Variants in LEKR1 observed in about 807,000 individuals in gnomAD.
LEKR1 encodes protein LEKR1.
A neutral mutation model predicts 72.4 loss-of-function variants in LEKR1; 59 were observed. That is an observed-to-expected ratio of 0.82 (90% CI 0.66 to 1.01). The LOEUF (loss-of-function observed/expected upper bound fraction) is 1.01, where lower values mean the gene tolerates loss of function less well. Ranked by LOEUF, LEKR1 falls within the 50% of genes least tolerant of loss-of-function variation. The probability of loss-of-function intolerance (pLI) is 0.00; values close to 1 mark genes in which losing one functional copy is unlikely to be tolerated. For synonymous variants in LEKR1, 257 were observed against 263.2 expected, an observed-to-expected ratio of 0.98 and a Z score of 0.23; for missense variants, 728 against 759.2, an observed-to-expected ratio of 0.96 and a Z score of 0.48.
At chr3:156,880,716 A>G (rs1329401829) in intron 3 of LEKR1, among the ~76,000 whole-genome samples, 1 of 152,246 alleles carries the variant, frequency 6.6e-6, no homozygotes, top group Admixed American at 6.5e-5. Context: ...ATTTTAGACC[A>G]GTATCCTTGA....
intron 3 of LEKR1, among the ~76,000 whole-genome samples, chr3:156,858,770 A>C (rs1360428601): frequency 6.6e-6 from 1 of 151,816 alleles, no homozygotes; most frequent in Non-Finnish European, 1.5e-5. Flanking sequence ...ATTTATTTTC[A>C]GTCTCTTTTT....
chr3:157,008,601 G>A (rs1732647980), intron 9 of LEKR1, among the ~76,000 whole-genome samples: 1 of 152,094 alleles, frequency 6.6e-6, no homozygotes, highest in Non-Finnish European at 1.5e-5. Flanking sequence ...TGCGTTTTGT[G>A]GTTCTCAACA....
intron 6 of LEKR1, chr3:156,977,680 G>A (rs755488408): frequency 2.7e-4 from 68 of 248,156 alleles, no homozygotes; most frequent in Non-Finnish European, 2.3e-4. Context: ...ACATGGGATG[G>A]ATGCATATGG....
intron 3 of LEKR1, among the ~76,000 whole-genome samples, chr3:156,870,227 T>A (rs1717770679): frequency 6.6e-6 from 1 of 152,060 alleles, no homozygotes. Context: ...TTTTTTTCTA[T>A]CTCTGTGAAA....
At chr3:156,999,405 T>C (rs939578584) in intron 9 of LEKR1, among the ~76,000 whole-genome samples, 5 of 152,122 alleles carry the variant, frequency 3.3e-5, no homozygotes, top group African/African-American at 1.2e-4. Context: ...TCTCCTCCCC[T>C]CCCTTTTTCT....
At chr3:156,974,866 T>A (rs1729552695) in intron 6 of LEKR1, among the ~76,000 whole-genome samples, 1 of 152,026 alleles carries the variant, frequency 6.6e-6, no homozygotes, top group Non-Finnish European at 1.5e-5. Context: ...ACACTTCCAT[T>A]TTTACTCCTC....
At chr3:156,891,693 G>A (rs1290064840) in intron 3 of LEKR1, among the ~76,000 whole-genome samples, 2 of 152,106 alleles carry the variant, frequency 1.3e-5, no homozygotes, top group Non-Finnish European at 2.9e-5. Context: ...GGCTAGGACA[G>A]GTGTTGAGGA....
intron 3 of LEKR1, among the ~76,000 whole-genome samples, chr3:156,859,863 C>T (rs62275170): frequency 0.032 from 4,843 of 152,266 alleles, 116 homozygotes; most frequent in Non-Finnish European, 0.047. Flanking sequence ...GCCAAGAATA[C>T]TTTCTGTCAT....
At chr3:157,034,882 A>G (rs1312789813) in intron 12 of LEKR1, among the ~76,000 whole-genome samples, 2 of 151,950 alleles carry the variant, frequency 1.3e-5, no homozygotes, top group African/African-American at 4.8e-5. Flanking sequence ...GCGCAATCTC[A>G]GCTCACTGCA....
At chr3:156,963,422 C>T (rs1728294538) in intron 6 of LEKR1, among the ~76,000 whole-genome samples, 2 of 152,182 alleles carry the variant, frequency 1.3e-5, no homozygotes, top group South Asian at 2.1e-4. Context: ...TAGACATTTA[C>T]AGCTCATCCA....
At position 157,042,923 on chromosome 3, in the gene LEKR1, T is replaced by C. The variant is rs370915105; in HGVS notation, c.1669-2417T>C. On this transcript the variant is annotated intron_variant, in intron 12 of 12. Coordinates refer to ENST00000356539, the MANE Select transcript of LEKR1 (RefSeq NM_001004316.3). The stretch of plus-strand genomic sequence containing the variant: ...TTGGATCTGTGTCCCCACCCAAATC[T>C]CATGTCAAATTGTAATCCCCAGTGT... Among the ~76,000 whole-genome samples the C allele has an allele frequency of 1.8e-4, 27 of 152,302 alleles. No individual in the cohort carries two copies. The East Asian group carries it at 4.6e-3, about 26-fold the overall frequency.
At chr3:157,024,961 T>G in intron 11 of LEKR1, 37 bp downstream of exon 11, 3 of 1,397,580 alleles carry the variant, frequency 2.1e-6, no homozygotes, top group Non-Finnish European at 3.0e-6. Flanking sequence ...TTTAATAGAT[T>G]TGAAACTGCA....
chr3:156,926,867 T>C (rs1029630128), intron 4 of LEKR1, among the ~76,000 whole-genome samples: 23 of 152,072 alleles, frequency 1.5e-4, no homozygotes, highest in African/African-American at 5.3e-4. Flanking sequence ...CAAATCTATG[T>C]CTGTATTTTA....
intron 3 of LEKR1, among the ~76,000 whole-genome samples, chr3:156,899,033 G>A (rs1721497599): frequency 6.6e-6 from 1 of 152,038 alleles, no homozygotes; most frequent in Admixed American, 6.6e-5. Context: ...AGACAAAAAA[G>A]AGCTATTTTT....
intron 11 of LEKR1, 50 bp downstream of exon 11, chr3:157,024,974 T>G: frequency 1.3e-5 from 17 of 1,266,116 alleles, no homozygotes; most frequent in Non-Finnish European, 1.7e-5. Context: ...AAACTGCAGA[T>G]GTTGTATATT....
At position 156,863,580 on chromosome 3, in the gene LEKR1, G is replaced by T. The variant is rs182820141; in HGVS notation, c.263+10598G>T. ...ACATATTATTTACATATTTATAACT[G>T]GGAACAGCTTTCAAATTGGAGAAAA... is the stretch of plus-strand genomic sequence containing the variant. On this transcript the variant is annotated intron_variant, in intron 3 of 12. Transcript: ENST00000356539. 1.6e-3 allele frequency among the ~76,000 whole-genome samples: 238 copies of T among 152,056 alleles called. 2 individuals carry two copies. Among genetic ancestry groups the T allele is most frequent in the Admixed American group, 3.9e-3 (59 of 15,252 alleles).
intron 7 of LEKR1, among the ~76,000 whole-genome samples, chr3:156,982,425 A>C (rs532434996): frequency 6.6e-6 from 1 of 152,206 alleles, no homozygotes; most frequent in Non-Finnish European, 1.5e-5. Flanking sequence ...AAGAATTATC[A>C]GATGCCACCA....
At chr3:156,883,697 T>C (rs1340848429) in intron 3 of LEKR1, among the ~76,000 whole-genome samples, 2 of 152,168 alleles carry the variant, frequency 1.3e-5, no homozygotes, top group Non-Finnish European at 2.9e-5. Context: ...TCATTCTCTC[T>C]TGTCTGCTGC....
chr3:156,928,146 G>C lies in LEKR1; in HGVS notation c.559+542G>C, dbSNP rs1386731682. Reference sequence around the variant, plus strand: ...CAGTGGTTGCCATGAGTTCCAGACAGAGGATAAATGAGAAGAGCAAAGAAG... The same window carrying C: ...CAGTGGTTGCCATGAGTTCCAGACACAGGATAAATGAGAAGAGCAAAGAAG... On this transcript the variant is annotated intron_variant, in intron 5 of 12. Transcript: ENST00000356539. Among the ~76,000 whole-genome samples the C allele has an allele frequency of 5.3e-5, 8 of 151,958 alleles. No individual in the cohort carries two copies. The East Asian group carries it at 1.5e-3, about 29-fold the overall frequency.
Sources: gnomAD v4.1 joint callset for allele counts (sites outside exome capture counted in the v4.1 genomes callset) on GRCh38, gnomAD v4.1.1 for gene constraint, MANE v1.5 for transcripts, NCBI Gene and HGNC (gene_info 2026-07-23, HGNC 2026-07-21) for gene names.